The following BRMS1L variants were observed in gnomAD, a reference collection of about 807,000 sequenced individuals.
The protein encoded by BRMS1L is BRMS1 like transcriptional repressor.
In BRMS1L, 23 loss-of-function variants were observed where a neutral mutation model predicts 50.3. The observed-to-expected ratio is 0.46, with a 90% CI of 0.33 to 0.65. BRMS1L has a LOEUF of 0.65. Ranked by LOEUF, BRMS1L falls within the 30% of genes least tolerant of loss-of-function variation. The probability of loss-of-function intolerance (pLI) is 0.02; values close to 1 mark genes in which losing one functional copy is unlikely to be tolerated. For missense variants in BRMS1L, 286 were observed against 386.1 expected (o/e 0.74, Z 2.17); for synonymous variants, 114 against 126.9 (o/e 0.90, Z 0.69).
chr14:35,829,794 G>A (rs1292341869), intron 1 of BRMS1L: 11 of 1,220,446 alleles, frequency 9.0e-6, no homozygotes, highest in Non-Finnish European at 1.2e-5. Flanking sequence ...CTTTCTCATA[G>A]TTTGACTTTT....
chr14:35,841,308 GTTATT>G (rs2078059814), intron 4 of BRMS1L, among the ~76,000 whole-genome samples: 1 of 151,518 alleles, frequency 6.6e-6, no homozygotes, highest in African/African-American at 2.4e-5. Flanking sequence ...TAAATTTTAT[GTTATT>G]TTATTTTATT....
At position 35,867,898 on chromosome 14, in the gene BRMS1L, C is replaced by A; in HGVS notation, c.728-8C>A. ...TTAATATAACAGTTTTTGAACTGAT[C>A]CCTTTAGCACCTGTGAAACTGGAAA... On this transcript the variant is annotated splice_polypyrimidine_tract_variant and splice_region_variant and intron_variant, in intron 8 of 9. Coordinates refer to ENST00000216807, the MANE Select transcript of BRMS1L (RefSeq NM_032352.4). 6.4e-7 allele frequency: 1 copy of A among 1,568,178 alleles called. No individual in the cohort carries two copies. The highest frequency in any genetic ancestry group is 1.2e-5 in the South Asian group (1 of 82,560).
intron 2 of BRMS1L, 28 bp downstream of exon 2, chr14:35,831,528 T>C (rs754135755): frequency 6.6e-7 from 1 of 1,512,046 alleles, no homozygotes; most frequent in South Asian, 1.1e-5. Context: ...AAGGCCATTG[T>C]CACTGAATCT....
At chr14:35,850,457 A>C (rs1001474107) in intron 4 of BRMS1L, among the ~76,000 whole-genome samples, 2 of 151,322 alleles carry the variant, frequency 1.3e-5, no homozygotes, top group Admixed American at 6.6e-5. Flanking sequence ...CAGCCTCCCA[A>C]ACTGCTGGGA....
chr14:35,871,611 T>C lies in BRMS1L; in HGVS notation c.*1134T>C, dbSNP rs529218097. The C allele has an allele frequency of 6.5e-6, 1 of 152,796 alleles. No individual in the cohort carries two copies. Among genetic ancestry groups the C allele is most frequent in the African/African-American group, 2.4e-5 (1 of 41,586 alleles). 9.5% of individuals were successfully genotyped at this position (152,796 alleles called of 1,614,324 possible). On this transcript the variant is annotated 3_prime_UTR_variant, in exon 10 of 10. Transcript: ENST00000216807. The stretch of plus-strand genomic sequence containing the variant: ...GTATTCCTGGTGGTCTTGTGCACTT[T>C]AATTTCTGTTACAATGAGTTAAGAG...
intron 4 of BRMS1L, among the ~76,000 whole-genome samples, chr14:35,844,195 T>C (rs1390622020): frequency 6.6e-6 from 1 of 152,106 alleles, no homozygotes; most frequent in East Asian, 1.9e-4. Context: ...GGGAAGTAAA[T>C]GGTTCTTTCT....
intron 8 of BRMS1L, chr14:35,866,031 A>C: frequency 2.7e-6 from 1 of 367,076 alleles, no homozygotes; most frequent in African/African-American, 2.1e-5. Flanking sequence ...AGTGTTTTTT[A>C]TGGGCTCTGT....
chr14:35,829,358 T>G (rs2077888727), intron 1 of BRMS1L, among the ~76,000 whole-genome samples: 1 of 152,186 alleles, frequency 6.6e-6, no homozygotes, highest in Non-Finnish European at 1.5e-5. Context: ...CCCCTATAAT[T>G]TTTATGTTGA....
intron 4 of BRMS1L, among the ~76,000 whole-genome samples, chr14:35,849,823 C>CT (rs567622470): frequency 5.3e-4 from 77 of 145,464 alleles, no homozygotes; most frequent in East Asian, 1.8e-3. Flanking sequence ...TTCTGTCTTT[C>CT]TTTTTTTTTT....
At chr14:35,830,475 GGT>G (rs1383817820) in intron 1 of BRMS1L, among the ~76,000 whole-genome samples, 2 of 151,782 alleles carry the variant, frequency 1.3e-5, no homozygotes. Context: ...CTCCCACTTC[GGT>G]CTCTCGAGCA....
At chr14:35,860,191 A>G (rs1410266440) in intron 4 of BRMS1L, among the ~76,000 whole-genome samples, 2 of 151,902 alleles carry the variant, frequency 1.3e-5, no homozygotes, top group Non-Finnish European at 2.9e-5. Flanking sequence ...GTGTAGTGGC[A>G]TGATCTCGGC....
chr14:35,827,245 GTTTTGGCA>G (rs1355023776), intron 1 of BRMS1L, among the ~76,000 whole-genome samples: 2 of 152,170 alleles, frequency 1.3e-5, no homozygotes, highest in African/African-American at 4.8e-5. Context: ...AATTGGCTGA[GTTTTGGCA>G]GCGTTGAAAA....
intron 4 of BRMS1L, among the ~76,000 whole-genome samples, chr14:35,841,481 T>A (rs1174741090): frequency 6.6e-6 from 1 of 152,074 alleles, no homozygotes; most frequent in African/African-American, 2.4e-5. Context: ...GTATTTTTAG[T>A]AGAGATGGGG....
intron 4 of BRMS1L, among the ~76,000 whole-genome samples, chr14:35,837,405 C>A (rs942160440): frequency 3.3e-5 from 5 of 152,114 alleles, no homozygotes; most frequent in Non-Finnish European, 5.9e-5. Flanking sequence ...TATGAGCTGG[C>A]CTGTTAATAA....
intron 9 of BRMS1L, among the ~76,000 whole-genome samples, chr14:35,869,025 T>A (rs780146237): frequency 6.6e-6 from 1 of 152,188 alleles, no homozygotes; most frequent in Non-Finnish European, 1.5e-5. Context: ...TAGGTGTCAG[T>A]GGTAAATAAA....
chr14:35,865,829 C>T lies in BRMS1L; in HGVS notation c.727+68C>T, dbSNP rs190929192. On this transcript the variant is annotated intron_variant, in intron 8 of 9. Coordinates refer to ENST00000216807, the MANE Select transcript of BRMS1L (RefSeq NM_032352.4). The stretch of plus-strand genomic sequence containing the variant: ...CTTGTTGAATCAGGGTTGTTATCTA[C>T]GTACTAAAGAACTCTTGAATCAGTG... The T allele has an allele frequency of 3.8e-5, 51 of 1,339,336 alleles. No individual in the cohort carries two copies. The Admixed American group carries it at 5.3e-4, about 14-fold the overall frequency. 83.0% of individuals were successfully genotyped at this position (1,339,336 alleles called of 1,614,324 possible).
At chr14:35,834,180 C>T (rs2077962587) in intron 3 of BRMS1L, among the ~76,000 whole-genome samples, 1 of 152,136 alleles carries the variant, frequency 6.6e-6, no homozygotes, top group African/African-American at 2.4e-5. Flanking sequence ...CCAACTATGG[C>T]ATAAAGCTTA....
intron 4 of BRMS1L, among the ~76,000 whole-genome samples, chr14:35,857,257 A>G (rs556326076): frequency 1.4e-5 from 2 of 143,398 alleles, no homozygotes; most frequent in African/African-American, 5.1e-5. Flanking sequence ...AAAAATATAT[A>G]TATATATGTA....
chr14:35,833,914 T>C (rs949797433), intron 3 of BRMS1L, among the ~76,000 whole-genome samples: 6 of 152,318 alleles, frequency 3.9e-5, no homozygotes, highest in Non-Finnish European at 7.4e-5. Flanking sequence ...GTAGATGATA[T>C]GATACTCTTC....
Sources: allele counts gnomAD v4.1 joint callset (sites outside exome capture counted in the v4.1 genomes callset), GRCh38; gene constraint gnomAD v4.1.1; transcripts MANE v1.5; gene names NCBI Gene and HGNC (gene_info 2026-07-23, HGNC 2026-07-21).